The following FARSB variants were observed in gnomAD, a reference collection of about 807,000 sequenced individuals.
FARSB encodes the protein phenylalanyl-tRNA synthetase subunit beta, also known as phenylalanine--tRNA ligase beta subunit.
In FARSB, 40 loss-of-function variants were observed where a neutral mutation model predicts 69.6. That is an observed-to-expected ratio of 0.57 (90% confidence interval 0.45 to 0.75). The LOEUF (loss-of-function observed/expected upper bound fraction) is 0.75, where lower values mean the gene tolerates loss of function less well. Ranked by LOEUF, FARSB falls within the 30% of genes least tolerant of loss-of-function variation. The pLI is 0.00. For missense variants in FARSB, 632 were observed against 722.9 expected (o/e 0.87, Z 1.44); for synonymous variants, 235 against 247.2 (o/e 0.95, Z 0.46).
At chr2:222,631,515 A>G (rs1691423550) in intron 8 of FARSB, 89 bp downstream of exon 8, 3 of 760,100 alleles carry the variant, frequency 3.9e-6, no homozygotes, top group Non-Finnish European at 7.1e-6. Context: ...CAAAATGCAC[A>G]TATTTTAAAT....
At chr2:222,644,610 T>C in intron 2 of FARSB, 1 of 424,462 alleles carries the variant, frequency 2.4e-6, no homozygotes, top group Non-Finnish European at 4.8e-6. Context: ...AATGAAGGCA[T>C]CTGCATTCAT....
At chr2:222,585,402 A>T (rs185225344) in intron 16 of FARSB, among the ~76,000 whole-genome samples, 433 of 152,364 alleles carry the variant, frequency 2.8e-3, no homozygotes, top group African/African-American at 9.9e-3. Context: ...AGATAAAACC[A>T]CAAAGATGGG....
intron 16 of FARSB, among the ~76,000 whole-genome samples, chr2:222,594,159 T>G (rs1208703944): frequency 6.7e-6 from 1 of 148,476 alleles, no homozygotes; most frequent in African/African-American, 2.5e-5. Flanking sequence ...CCCAGCTACT[T>G]GGGTAGCTGA....
chr2:222,575,215 A>T (rs1689806510), intron 16 of FARSB, among the ~76,000 whole-genome samples: 1 of 152,252 alleles, frequency 6.6e-6, no homozygotes, highest in Non-Finnish European at 1.5e-5. Flanking sequence ...TCTAGCTAGG[A>T]CTAATGTGCC....
At chr2:222,589,439 G>C (rs1223531279) in intron 16 of FARSB, among the ~76,000 whole-genome samples, 2 of 152,034 alleles carry the variant, frequency 1.3e-5, no homozygotes, top group Non-Finnish European at 1.5e-5. Flanking sequence ...ATACCATTCA[G>C]GACATAGGCA....
intron 15 of FARSB, among the ~76,000 whole-genome samples, chr2:222,601,752 T>C (rs1313931639): frequency 6.6e-6 from 1 of 152,150 alleles, no homozygotes; most frequent in Non-Finnish European, 1.5e-5. Context: ...CAGCCTCAAC[T>C]TCCTGGGCTC....
chr2:222,599,811 A>G (rs1690513738), intron 16 of FARSB, 117 bp downstream of exon 16: 4 of 785,436 alleles, frequency 5.1e-6, no homozygotes, highest in Non-Finnish European at 8.1e-6. Flanking sequence ...ATTAATTGAA[A>G]TAAAACTCTC....
chr2:222,573,146 T>C (rs1689755587), intron 16 of FARSB, among the ~76,000 whole-genome samples: 2 of 152,092 alleles, frequency 1.3e-5, no homozygotes, highest in African/African-American at 4.8e-5. Context: ...CCGGCTACTG[T>C]CAAGTTAGTA....
Position 222,569,456 on chromosome 2 carries a change from G to A in FARSB, c.*2415C>T, listed in dbSNP as rs949372356. ...CTTGAGCACAACTGCCAATTCTACA[G>A]TTCAGGCTATTTCTCTAGGCATTTA... is the stretch of plus-strand genomic sequence containing the variant. On this transcript the variant is annotated 3_prime_UTR_variant, in exon 17 of 17. Transcript: ENST00000281828. The A allele has an allele frequency of 6.6e-6, 1 of 152,188 alleles. No homozygotes were observed. Among genetic ancestry groups the A allele is most frequent in the African/African-American group, 2.4e-5 (1 of 41,448 alleles). 9.4% of individuals were successfully genotyped at this position (152,188 alleles called of 1,614,324 possible).
intron 15 of FARSB, among the ~76,000 whole-genome samples, chr2:222,612,449 T>C (rs1057042011): frequency 6.6e-6 from 1 of 152,218 alleles, no homozygotes. Flanking sequence ...CCATGGACAG[T>C]AGTAGCTCTG....
chr2:222,630,650 A>G (rs1691395102), intron 8 of FARSB, among the ~76,000 whole-genome samples: 2 of 152,208 alleles, frequency 1.3e-5, no homozygotes, highest in Non-Finnish European at 2.9e-5. Context: ...AACACCATAT[A>G]GATTTGTTAA....
chr2:222,594,987 C>T (rs10194152), intron 16 of FARSB, among the ~76,000 whole-genome samples: 3,107 of 152,274 alleles, frequency 0.02, 126 homozygotes, highest in African/African-American at 0.071. Context: ...TTTAATATTG[C>T]TTTGTCTTTT....
At chr2:222,582,462 C>T (rs781526578) in intron 16 of FARSB, among the ~76,000 whole-genome samples, 4 of 152,100 alleles carry the variant, frequency 2.6e-5, no homozygotes, top group East Asian at 3.9e-4. Flanking sequence ...AGGGAGGGAA[C>T]GGTGTGGAAG....
chr2:222,593,507 C>T (rs1052186294), intron 16 of FARSB, among the ~76,000 whole-genome samples: 4 of 152,142 alleles, frequency 2.6e-5, no homozygotes, highest in Admixed American at 2.0e-4. Flanking sequence ...GTAGCTTAGG[C>T]TCTGATAATT....
chr2:222,590,281 C>T (rs1439817705), intron 16 of FARSB, among the ~76,000 whole-genome samples: 4 of 152,002 alleles, frequency 2.6e-5, no homozygotes, highest in African/African-American at 7.2e-5. Context: ...AACCAAACAC[C>T]GCATGTTCTC....
At chr2:222,645,546 T>C (rs1691828489) in intron 2 of FARSB, among the ~76,000 whole-genome samples, 1 of 151,936 alleles carries the variant, frequency 6.6e-6, no homozygotes, top group African/African-American at 2.4e-5. Flanking sequence ...ACTGAATAGG[T>C]GAAGATAGAA....
chr2:222,605,161 T>TTCTCTCTCTCTCTCTCTCTCTCTCTCTC lies in FARSB; in HGVS notation c.1463-5106_1463-5079dup, dbSNP rs71053093. Among the ~76,000 whole-genome samples the TTCTCTCTCTCTCTCTCTCTCTCTCTCTC allele has an allele frequency of 5.7e-4, 75 of 132,740 alleles. 2 individuals are homozygous for TTCTCTCTCTCTCTCTCTCTCTCTCTCTC. Among genetic ancestry groups the TTCTCTCTCTCTCTCTCTCTCTCTCTCTC allele is most frequent in the Middle Eastern group, 3.9e-3 (1 of 256 alleles). 87.1% of individuals were successfully genotyped at this position (132,740 alleles called of 152,430 possible). On this transcript the variant is annotated intron_variant, in intron 15 of 16. Coordinates refer to ENST00000281828, the MANE Select transcript of FARSB (RefSeq NM_005687.5). The stretch of plus-strand genomic sequence containing the variant: ...TGATTCCACTGTAGGAATACAAACT[T>TTCTCTCTCTCTCTCTCTCTCTCTCTCTC]TCTCTCTCTCTCTCTCTCTCTCTCT...
chr2:222,601,750 A>G (rs1230445561), intron 15 of FARSB, among the ~76,000 whole-genome samples: 1 of 152,140 alleles, frequency 6.6e-6, no homozygotes, highest in Non-Finnish European at 1.5e-5. Context: ...TGCAGCCTCA[A>G]CTTCCTGGGC....
At chr2:222,587,970 TC>T (rs1209556293) in intron 16 of FARSB, among the ~76,000 whole-genome samples, 22 of 151,986 alleles carry the variant, frequency 1.4e-4, no homozygotes, top group African/African-American at 5.3e-4. Flanking sequence ...ACTATTCCAA[TC>T]AATATAAAAA....
Sources: allele counts gnomAD v4.1 joint callset (sites outside exome capture counted in the v4.1 genomes callset), GRCh38; gene constraint gnomAD v4.1.1; transcripts MANE v1.5; gene names NCBI Gene and HGNC (gene_info 2026-07-23, HGNC 2026-07-21).